Variants in RNF213 observed in about 807,000 individuals in gnomAD.
The protein encoded by RNF213 is E3 ubiquitin-protein ligase RNF213.
In RNF213, 341 loss-of-function variants were observed where a neutral mutation model predicts 514.4. The observed-to-expected ratio is 0.66, with a 90% confidence interval of 0.61 to 0.73. The LOEUF is 0.73. Ranked by LOEUF, RNF213 falls within the 30% of genes least tolerant of loss-of-function variation. The pLI, the probability that RNF213 is intolerant of heterozygous loss-of-function variation, is 0.00. For missense variants in RNF213, 5,767 were observed against 6,615.6 expected (o/e 0.87, Z 4.45); for synonymous variants, 2,655 against 2,658.2 (o/e 1.00, Z 0.04).
Position 80,347,998 on chromosome 17 carries a change from C to T in RNF213, c.9663C>T (p.Tyr3221=). ...GCCCCTCTGACGTCTTCATCGGCTA[C>T]CACTCGGACGCCTGCGCGTCTGTGG... The part of the protein sequence containing the change: ...KYSPSDVFIG[Y]HSDACASVVL... Residue 3221 remains tyrosine, a synonymous_variant, in exon 29 of 68, where the codon TAC becomes TAT. Coordinates refer to ENST00000582970, the MANE Select transcript of RNF213 (RefSeq NM_001256071.3). The surrounding 1 kb of genome is among the most constrained non-coding windows in gnomAD (Gnocchi z 7.2). The T allele has an allele frequency of 1.9e-6, 3 of 1,613,918 alleles. No homozygotes were observed. Among genetic ancestry groups the T allele is most frequent in the Non-Finnish European group, 2.5e-6 (3 of 1,179,992 alleles).
intron 39 of RNF213, 80 bp downstream of exon 39, chr17:80,361,968 T>A: frequency 6.7e-7 from 1 of 1,503,154 alleles, no homozygotes; most frequent in Middle Eastern, 1.7e-4. Context: ...AGACGTTTCC[T>A]CAGCTGCCTG....
chr17:80,326,900 T>C (rs1159693815), intron 18 of RNF213, among the ~76,000 whole-genome samples: 1 of 152,234 alleles, frequency 6.6e-6, no homozygotes, highest in Non-Finnish European at 1.5e-5. Context: ...CTTCTCCTAA[T>C]ATTGTATGGC....
At chr17:80,296,571 A>G (rs931108650) in intron 10 of RNF213, among the ~76,000 whole-genome samples, 1 of 152,210 alleles carries the variant, frequency 6.6e-6, no homozygotes, top group Non-Finnish European at 1.5e-5. Context: ...CTCAGACCCC[A>G]CTGAGCTCTG....
chr17:80,278,918 G>C (rs1287938587), intron 3 of RNF213: 18 of 1,537,072 alleles, frequency 1.2e-5, no homozygotes, highest in Non-Finnish European at 1.6e-5. Context: ...CAGGTAGTCC[G>C]AGTCAATAGT....
Position 80,368,542 on chromosome 17 carries a change from C to T in RNF213, c.12155+399C>T, listed in dbSNP as rs546652833. On this transcript the variant is annotated intron_variant, in intron 44 of 67. Coordinates refer to ENST00000582970, the MANE Select transcript of RNF213 (RefSeq NM_001256071.3). ...TCACCTCCTGGGTTCAGGCAATTCT[C>T]CTGCCTCAGCCTCCCAAGTAGCTGG... is the stretch of plus-strand genomic sequence containing the variant. Among the ~76,000 whole-genome samples the T allele has an allele frequency of 9.9e-5, 15 of 151,568 alleles. No individual in the cohort carries two copies. The East Asian group carries it at 2.1e-3, about 22-fold the overall frequency.
chr17:80,278,992 C>A, intron 3 of RNF213: 1 of 1,510,500 alleles, frequency 6.6e-7, no homozygotes, highest in South Asian at 1.2e-5. Context: ...CCTCGCACTT[C>A]CGGCCCTTGA....
At chr17:80,297,901 G>A (rs1163484231) in intron 10 of RNF213, among the ~76,000 whole-genome samples, 1 of 152,080 alleles carries the variant, frequency 6.6e-6, no homozygotes, top group Non-Finnish European at 1.5e-5. Flanking sequence ...AGGTTATAAT[G>A]ATCGCACCAC....
rs2079582240 is a variant in RNF213, at chr17:80,373,098, T to C, written c.12875T>C (p.Val4292Ala). The C allele has an allele frequency of 6.2e-7, 1 of 1,613,656 alleles. No individual in the cohort carries two copies. Among genetic ancestry groups the C allele is most frequent in the South Asian group, 1.1e-5 (1 of 91,078 alleles). ...KLSSQRGMEF[V>A]QGLSKPGRPH... is the part of the protein sequence containing the mutation. The stretch of plus-strand genomic sequence containing the variant: ...AGCAGCCAGCGGGGGATGGAGTTCG[T>C]GCAGGGCCTCTCCAAGCCCGGCCGC... The change falls in exon 49 of 68, where the codon GTG becomes GCG. Residue 4292 changes from valine (V) to alanine (A), a missense_variant. Around this residue, in one of 13 missense-constraint regions of RNF213, gnomAD observed 1,245 missense variants for 1,339.0 expected, o/e 0.93. Transcript: ENST00000582970.
intron 9 of RNF213, among the ~76,000 whole-genome samples, 164 bp downstream of exon 9, chr17:80,295,167 C>A (rs973070601): frequency 6.6e-5 from 10 of 152,194 alleles, no homozygotes; most frequent in Non-Finnish European, 1.5e-4. Flanking sequence ...TCTCTGCCCT[C>A]CCCCATTTTC....
rs1048450028 is a variant in RNF213, at chr17:80,354,670, A to ACTGAG, written c.10862+98_10862+102dup. On this transcript the variant is annotated intron_variant, in intron 36 of 67. Transcript: ENST00000582970. ...TCCTCTCTCCATCCGGGCCATGGGG[A>ACTGAG]CTGAGCTGTTTCTTTCCAAACCTCT... is the stretch of plus-strand genomic sequence containing the variant. 4.1e-6 allele frequency: 6 copies of ACTGAG among 1,479,614 alleles called. No homozygotes were observed. The African/African-American group carries it at 5.5e-5, about 14-fold the overall frequency. The allele number at this position is 1,479,614 out of a possible 1,614,324, so 91.7% of individuals were successfully genotyped here. A position where few individuals can be genotyped will look rare whatever the true frequency, so the allele number is the denominator to read the frequency against.
intron 6 of RNF213, 134 bp from the exon 7 acceptor site, chr17:80,290,436 T>C (rs911016732): frequency 1.9e-6 from 2 of 1,056,272 alleles, no homozygotes; most frequent in Non-Finnish European, 2.9e-6. Flanking sequence ...TGTGCGCGTG[T>C]GTGCATGTGT....
At chr17:80,311,794 G>C (rs1285735811) in intron 14 of RNF213, among the ~76,000 whole-genome samples, 3 of 152,104 alleles carry the variant, frequency 2.0e-5, no homozygotes, top group African/African-American at 7.2e-5. Flanking sequence ...TGTGGCTCCT[G>C]ACACTTGCAC....
rs2080708520 is a variant in RNF213 at position 80,398,723 on chromosome 17, G to A, written c.*5225G>A. 1 of 151,410 alleles carries A rather than the reference G, an allele frequency of 6.6e-6. No individual in the cohort carries two copies. Among genetic ancestry groups the A allele is most frequent in the East Asian group, 1.9e-4 (1 of 5,170 alleles). The allele number at this position is 151,410 out of a possible 1,614,324, so 9.4% of individuals were successfully genotyped here. A position where few individuals can be genotyped will look rare whatever the true frequency, so the allele number is the denominator to read the frequency against. On this transcript the variant is annotated 3_prime_UTR_variant, in exon 68 of 68. Coordinates refer to ENST00000582970, the MANE Select transcript of RNF213 (RefSeq NM_001256071.3). ...ACAAAGAGGGAGTCAGAGAGAGAGA[G>A]AGAAAGAGACAGAGGCAAAAGGAAA...
chr17:80,300,079 A>G (rs2045118948), intron 11 of RNF213, among the ~76,000 whole-genome samples: 1 of 152,222 alleles, frequency 6.6e-6, no homozygotes, highest in South Asian at 2.1e-4. Context: ...GTATATACCC[A>G]GTAATGGGAT....
At chr17:80,366,223 C>T (rs988301858) in intron 42 of RNF213, among the ~76,000 whole-genome samples, 3 of 152,140 alleles carry the variant, frequency 2.0e-5, no homozygotes, top group African/African-American at 4.8e-5. Context: ...GGTGGGACTG[C>T]GGGCATGGCT....
intron 3 of RNF213, among the ~76,000 whole-genome samples, chr17:80,276,916 G>T (rs2044079213): frequency 6.6e-6 from 1 of 151,684 alleles, no homozygotes; most frequent in Non-Finnish European, 1.5e-5. Flanking sequence ...AATTAGCTGG[G>T]CGTGGTGGCG....
chr17:80,391,395 CTAGTAGCTGGGA>C (rs765346204), intron 67 of RNF213, among the ~76,000 whole-genome samples: 66 of 152,224 alleles, frequency 4.3e-4, no homozygotes, highest in South Asian at 1.0e-3. Flanking sequence ...CTTAGCCTCC[CTAGTAGCTGGGA>C]TTACAGGTGC....
At position 80,349,880 on chromosome 17, in the gene RNF213, C is replaced by T. The variant is rs556698877; in HGVS notation, c.10062C>T (p.Thr3354=). 6.2e-6 allele frequency: 10 copies of T among 1,613,922 alleles called. No individual in the cohort carries two copies. The highest frequency in any genetic ancestry group is 3.3e-5 in the Admixed American group (2 of 60,034). ...TCCTGTGGCTGCAGCAGTTTGACAC[C>T]GAGTACTCATTCCTCAAAGAAGTCC... ...PTLLWLQQFD[T]EYSFLKEVRN... is the part of the protein sequence containing the mutation. The change falls in exon 30 of 68, where the codon ACC becomes ACT. Residue 3354 remains threonine (T), a synonymous_variant. Transcript: ENST00000582970.
At chr17:80,298,810 C>CA in intron 11 of RNF213, 21 of 223,682 alleles carry the variant, frequency 9.4e-5, no homozygotes, top group South Asian at 2.9e-4. Context: ...ACGAAAAATA[C>CA]CAAAAAAAAA....
Sources: allele counts gnomAD v4.1 joint callset (sites outside exome capture counted in the v4.1 genomes callset), GRCh38; gene constraint gnomAD v4.1.1; regional missense constraint gnomAD v4.1.1; non-coding constraint Gnocchi (gnomAD v3.1); transcripts MANE v1.5; gene names NCBI Gene and HGNC (gene_info 2026-07-23, HGNC 2026-07-21).